PCDH11X: variants seen among roughly 807,000 people sequenced by gnomAD.
The protein encoded by PCDH11X is protocadherin-11 X-linked.
A neutral mutation model predicts 53.3 loss-of-function variants in PCDH11X; 18 were observed. The observed-to-expected ratio is 0.34, with a 90% CI of 0.23 to 0.50. The LOEUF (loss-of-function observed/expected upper bound fraction) is 0.50. Ranked by LOEUF, PCDH11X falls within the 20% of genes least tolerant of loss-of-function variation. The pLI, the probability that PCDH11X is intolerant of heterozygous loss-of-function variation, is 0.98. For missense variants in PCDH11X, 570 were observed against 1,032.4 expected (o/e 0.55, Z 6.14); for synonymous variants, 279 against 393.3 (o/e 0.71, Z 3.44).
chrX:92,103,421 C>T (rs1375447838), intron 6 of PCDH11X, among the ~76,000 whole-genome samples: 1 of 110,524 alleles, frequency 9.0e-6, no homozygotes, highest in South Asian at 3.9e-4. Context: ...AAGAAGGGGA[C>T]GGGCTTACCC....
At chrX:92,421,592 G>A (rs985035997) in intron 9 of PCDH11X, among the ~76,000 whole-genome samples, 6 of 111,613 alleles carry the variant, frequency 5.4e-5, no homozygotes, top group African/African-American at 9.8e-5. Flanking sequence ...ATGTCTTTAT[G>A]GCAGAACGAT....
rs755692685 is a variant in PCDH11X at position 92,019,738 on chromosome X, G to A, written c.3033+140465G>A. Among the ~76,000 whole-genome samples, 13 of 112,093 alleles carry A rather than the reference G, an allele frequency of 1.2e-4. No individual in the cohort carries two copies. The Admixed American group carries it at 1.2e-3, about 11-fold the overall frequency. On this transcript the variant is annotated intron_variant, in intron 6 of 10. Transcript: ENST00000682573. ...TAGCGGGAAACTTATAGCACTAAAC[G>A]CCCACAGCAACAATTTAAAAAGATC...
chrX:92,263,064 T>C (rs758988366), intron 7 of PCDH11X, 50 bp from the exon 8 acceptor site: 2 of 1,145,439 alleles, frequency 1.7e-6, no homozygotes, highest in Non-Finnish European at 2.3e-6. Flanking sequence ...GATTTTTGTT[T>C]TTGTTTTATT....
Position 92,088,890 on chromosome X carries a change from C to T in PCDH11X, c.3034-112485C>T, listed in dbSNP as rs73630159. On this transcript the variant is annotated intron_variant, in intron 6 of 10. Transcript: ENST00000682573. ...TCATATATTATTTCTTAATATTTCA[C>T]GTTGTTATACTCAGGTAGCATAAAA... 5.0e-3 allele frequency among the ~76,000 whole-genome samples: 552 copies of T among 110,179 alleles called. 1 individual carries two copies. Among genetic ancestry groups the T allele is most frequent in the African/African-American group, 0.018 (534 of 29,862 alleles).
intron 1 of PCDH11X, among the ~76,000 whole-genome samples, chrX:91,781,293 A>T (rs190139846): frequency 0.047 from 5,098 of 108,436 alleles, 336 homozygotes; most frequent in African/African-American, 0.16. Context: ...AAACTGGTTG[A>T]AAATCCGGGT....
intron 6 of PCDH11X, among the ~76,000 whole-genome samples, chrX:92,053,675 A>C (rs2063399367): frequency 9.4e-6 from 1 of 106,656 alleles, no homozygotes; most frequent in Admixed American, 1.0e-4. Flanking sequence ...GGTTCAAGCG[A>C]TTCTCCTGCC....
chrX:92,346,867 C>T (rs2069910346), intron 8 of PCDH11X, among the ~76,000 whole-genome samples: 1 of 111,180 alleles, frequency 9.0e-6, no homozygotes, highest in Non-Finnish European at 1.9e-5. Flanking sequence ...AAGAAGATGT[C>T]TTGTAGCATA....
intron 6 of PCDH11X, among the ~76,000 whole-genome samples, chrX:92,034,080 T>C (rs2063092602): frequency 9.0e-6 from 1 of 110,589 alleles, no homozygotes; most frequent in African/African-American, 3.3e-5. Context: ...TTGTTATTGA[T>C]TTCTAGGCTT....
intron 10 of PCDH11X, among the ~76,000 whole-genome samples, chrX:92,579,034 G>T (rs1197914346): frequency 9.3e-6 from 1 of 107,654 alleles, no homozygotes; most frequent in Non-Finnish European, 1.9e-5. Context: ...AGAAATTCCG[G>T]GTTGGCAATT....
At chrX:92,015,131 G>A (rs2062768511) in intron 6 of PCDH11X, among the ~76,000 whole-genome samples, 1 of 111,810 alleles carries the variant, frequency 8.9e-6, no homozygotes, top group African/African-American at 3.3e-5. Context: ...TGCTAAAAAT[G>A]CTAACACTCA....
At chrX:92,554,378 C>T (rs2075013341) in intron 10 of PCDH11X, among the ~76,000 whole-genome samples, 1 of 103,686 alleles carries the variant, frequency 9.6e-6, no homozygotes, top group African/African-American at 3.5e-5. Flanking sequence ...ATTCCAGGCC[C>T]TAAAGAATTT....
At chrX:92,312,700 A>G (rs1447023404) in intron 8 of PCDH11X, among the ~76,000 whole-genome samples, 1 of 111,927 alleles carries the variant, frequency 8.9e-6, no homozygotes, top group Non-Finnish European at 1.9e-5. Context: ...CCAGCCACAA[A>G]TCATTTTTAC....
chrX:92,131,020 T>C (rs928452775), intron 6 of PCDH11X, among the ~76,000 whole-genome samples: 1 of 110,919 alleles, frequency 9.0e-6, no homozygotes, highest in Admixed American at 9.7e-5. Flanking sequence ...TGCAACTTCC[T>C]GTGAAAATTT....
chrX:92,213,311 G>A (rs181863135), intron 7 of PCDH11X, among the ~76,000 whole-genome samples: 111 of 111,143 alleles, frequency 1.0e-3, no homozygotes, highest in Admixed American at 2.3e-3. Context: ...GATTACTAAC[G>A]GCATTATATT....
intron 8 of PCDH11X, among the ~76,000 whole-genome samples, chrX:92,326,639 T>TATATATATATATATATATATAGAG (rs758088746): frequency 1.0e-4 from 4 of 39,305 alleles, no homozygotes; most frequent in Non-Finnish European, 1.5e-4. Flanking sequence ...TATATATATA[T>TATATATATATATATATATATAGAG]AGAGAGAGAG....
intron 8 of PCDH11X, among the ~76,000 whole-genome samples, chrX:92,267,597 C>A (rs2067861444): frequency 8.9e-6 from 1 of 112,176 alleles, no homozygotes. Flanking sequence ...GGTATTGCTT[C>A]ATTTGCTGTT....
intron 6 of PCDH11X, among the ~76,000 whole-genome samples, chrX:92,107,733 G>A (rs1035870024): frequency 4.5e-5 from 5 of 111,750 alleles, no homozygotes; most frequent in African/African-American, 1.6e-4. Context: ...TTTGATTGAT[G>A]TCTCATACTT....
chrX:92,336,730 G>A lies in PCDH11X; in HGVS notation c.3145-51005G>A, dbSNP rs75194922. On this transcript the variant is annotated intron_variant, in intron 8 of 10. Coordinates refer to ENST00000682573, the MANE Select transcript of PCDH11X (RefSeq NM_032968.5). ...TTCTCACACTTATGAGTCACGCAAT[G>A]CATGGACAGCTTTTATCTCTTTGTA... 2.8e-3 allele frequency among the ~76,000 whole-genome samples: 315 copies of A among 111,472 alleles called. 6 individuals are homozygous for A. The East Asian group carries it at 0.054, about 19-fold the overall frequency.
At chrX:92,158,991 T>G (rs1166962103) in intron 6 of PCDH11X, among the ~76,000 whole-genome samples, 1 of 111,971 alleles carries the variant, frequency 8.9e-6, no homozygotes, top group Non-Finnish European at 1.9e-5. Context: ...TCTGCATTGT[T>G]CTGCACTGAC....
Sources: gnomAD v4.1 joint callset for allele counts (sites outside exome capture counted in the v4.1 genomes callset) on GRCh38, gnomAD v4.1.1 for gene constraint, MANE v1.5 for transcripts, NCBI Gene and HGNC (gene_info 2026-07-23, HGNC 2026-07-21) for gene names.